Variants in PRKCA observed in about 807,000 individuals in gnomAD.
PRKCA encodes protein kinase C alpha.
PRKCA carries 27 observed loss-of-function variants against 87.0 expected under a neutral mutation model. That is an observed-to-expected ratio of 0.31 (90% CI 0.23 to 0.43). The LOEUF is 0.43. Ranked by LOEUF, PRKCA falls within the 20% of genes least tolerant of loss-of-function variation. The pLI is 1.00. For synonymous variants in PRKCA, 329 were observed against 311.1 expected, an observed-to-expected ratio of 1.06 and a Z score of -0.61; for missense variants, 518 against 852.3, an observed-to-expected ratio of 0.61 and a Z score of 4.88.
At chr17:66,530,485 A>G (rs1967499246) in intron 3 of PRKCA, among the ~76,000 whole-genome samples, 1 of 152,214 alleles carries the variant, frequency 6.6e-6, no homozygotes, top group Admixed American at 6.5e-5. Context: ...GGATATCAAA[A>G]GCACCACGGG....
intron 3 of PRKCA, among the ~76,000 whole-genome samples, chr17:66,572,282 C>A (rs1969102876): frequency 6.6e-6 from 1 of 152,170 alleles, no homozygotes; most frequent in South Asian, 2.1e-4. Context: ...GCCTGCCCAA[C>A]ATGGCAAAAC....
At chr17:66,322,725 C>T (rs1364705348) in intron 2 of PRKCA, among the ~76,000 whole-genome samples, 5 of 151,160 alleles carry the variant, frequency 3.3e-5, no homozygotes, top group Non-Finnish European at 7.4e-5. Context: ...CCTGTCTCGG[C>T]ATCCCACAGT....
intron 13 of PRKCA, among the ~76,000 whole-genome samples, chr17:66,752,587 C>T (rs1434733838): frequency 1.3e-5 from 2 of 152,156 alleles, no homozygotes; most frequent in Non-Finnish European, 2.9e-5. Flanking sequence ...AACAGCAAGA[C>T]TCTGTCACCA....
At chr17:66,644,320 A>G (rs1971394447) in intron 4 of PRKCA, among the ~76,000 whole-genome samples, 1 of 152,212 alleles carries the variant, frequency 6.6e-6, no homozygotes, top group Non-Finnish European at 1.5e-5. Context: ...AACACTCAAA[A>G]TGAAACGGAA....
chr17:66,482,111 A>AAG (rs1555609704), intron 2 of PRKCA, among the ~76,000 whole-genome samples: 10 of 150,516 alleles, frequency 6.6e-5, no homozygotes, highest in Admixed American at 6.6e-5. Context: ...AAAAAAAAAA[A>AAG]AAAAAAGAAA....
intron 2 of PRKCA, among the ~76,000 whole-genome samples, chr17:66,445,146 C>G (rs1913969312): frequency 6.6e-6 from 1 of 152,160 alleles, no homozygotes; most frequent in Non-Finnish European, 1.5e-5. Flanking sequence ...CCTGAGCTAT[C>G]CCCCCTACGG....
intron 8 of PRKCA, among the ~76,000 whole-genome samples, chr17:66,706,255 C>T (rs915719068): frequency 9.9e-5 from 15 of 152,274 alleles, no homozygotes; most frequent in Middle Eastern, 3.4e-3. Context: ...TTCATCACCC[C>T]CAGTACCCAT....
intron 8 of PRKCA, among the ~76,000 whole-genome samples, chr17:66,731,917 G>A (rs1252689635): frequency 8.2e-5 from 12 of 146,058 alleles, no homozygotes; most frequent in African/African-American, 2.3e-4. Flanking sequence ...AGCCTCCCAC[G>A]TAGCTGGGAT....
intron 2 of PRKCA, among the ~76,000 whole-genome samples, chr17:66,308,412 T>C (rs1252766774): frequency 6.6e-6 from 1 of 152,052 alleles, no homozygotes; most frequent in Non-Finnish European, 1.5e-5. Context: ...TTTTCAAATG[T>C]GTTTTAGCCA....
rs760561732 is a variant in PRKCA, at chr17:66,774,301, T to C, written c.1605+234T>C. 45 of 1,366,466 alleles carry C rather than the reference T, an allele frequency of 3.3e-5. No homozygotes were observed. In the East Asian group the frequency reaches 1.1e-3, roughly 33 times the overall value. The allele number at this position is 1,366,466 out of a possible 1,614,324, so 84.6% of individuals were successfully genotyped here. ...AAATTGAAAGCTACAACCTGGAGTG[T>C]AGACAGTGTCAGTTTCACGTTATGA... On this transcript the variant is annotated intron_variant, in intron 14 of 16. Transcript: ENST00000413366.
At chr17:66,555,017 A>T (rs989219696) in intron 3 of PRKCA, among the ~76,000 whole-genome samples, 1 of 151,824 alleles carries the variant, frequency 6.6e-6, no homozygotes, top group Non-Finnish European at 1.5e-5. Flanking sequence ...AGCTGAGACT[A>T]CAGGCGCACG....
chr17:66,785,085 A>G (rs1382423713), intron 14 of PRKCA, among the ~76,000 whole-genome samples: 1 of 152,190 alleles, frequency 6.6e-6, no homozygotes, highest in African/African-American at 2.4e-5. Flanking sequence ...AGACCAAAAA[A>G]TGTTGAGTGG....
intron 2 of PRKCA, among the ~76,000 whole-genome samples, chr17:66,439,194 TTA>T: frequency 2.0e-5 from 3 of 151,830 alleles, no homozygotes; most frequent in South Asian, 2.1e-4. Flanking sequence ...TTTCTTTTTT[TTA>T]TTGAGACAGA....
intron 2 of PRKCA, among the ~76,000 whole-genome samples, chr17:66,333,910 GTTC>G (rs1906503494): frequency 6.6e-6 from 1 of 152,132 alleles, no homozygotes. Flanking sequence ...CTAGTCTTGT[GTTC>G]TTTTTAGAAC....
At chr17:66,789,822 C>A (rs771700023) in intron 16 of PRKCA, among the ~76,000 whole-genome samples, 1 of 152,222 alleles carries the variant, frequency 6.6e-6, no homozygotes, top group African/African-American at 2.4e-5. Flanking sequence ...TTGTTGATTG[C>A]GGCCAGCAAG....
intron 3 of PRKCA, among the ~76,000 whole-genome samples, chr17:66,604,112 G>GC (rs1970140040): frequency 6.6e-6 from 1 of 151,994 alleles, no homozygotes; most frequent in African/African-American, 2.4e-5. Context: ...CTTGGTGATC[G>GC]CCTCTGGAAC....
At chr17:66,336,754 TTGTGTGTGTGTGTGTGTGTGTGTG>T (rs148842588) in intron 2 of PRKCA, among the ~76,000 whole-genome samples, 3 of 133,664 alleles carry the variant, frequency 2.2e-5, no homozygotes, top group Non-Finnish European at 3.2e-5. Context: ...GCAAATAAGT[TTGTGTGTGTGTGTGTGTGTGTGTG>T]TGTGTGTGTG....
chr17:66,734,202 T>C (rs368310894), intron 9 of PRKCA, among the ~76,000 whole-genome samples: 16 of 152,258 alleles, frequency 1.1e-4, no homozygotes, highest in East Asian at 9.7e-4. Context: ...AAGAAAGAAT[T>C]CAGAGCGAGT....
chr17:66,781,868 G>GATATAT (rs1201713784), intron 14 of PRKCA, among the ~76,000 whole-genome samples: 8 of 99,356 alleles, frequency 8.1e-5, no homozygotes, highest in African/African-American at 3.0e-4. Context: ...GAGAGAGAGA[G>GATATAT]ATATATATAT....
Sources: allele counts gnomAD v4.1 joint callset (sites outside exome capture counted in the v4.1 genomes callset), GRCh38; gene constraint gnomAD v4.1.1; transcripts MANE v1.5; gene names NCBI Gene and HGNC (gene_info 2026-07-23, HGNC 2026-07-21).